Variants in TSPAN9 observed in about 807,000 individuals in gnomAD.
TSPAN9 encodes the protein tetraspanin 9.
Under a neutral mutation model 31.0 loss-of-function variants are expected in TSPAN9, and 16 were observed. The observed-to-expected ratio is 0.52, with a 90% CI of 0.35 to 0.78. The LOEUF is 0.78. Ranked by LOEUF, TSPAN9 falls within the 30% of genes least tolerant of loss-of-function variation. The pLI, the probability that TSPAN9 is intolerant of heterozygous loss-of-function variation, is 0.01. For missense variants in TSPAN9, 272 were observed against 312.5 expected (o/e 0.87, Z 0.98); for synonymous variants, 145 against 121.6 (o/e 1.19, Z -1.27).
At chr12:3,175,495 C>T (rs1390397423) in intron 2 of TSPAN9, among the ~76,000 whole-genome samples, 1 of 152,200 alleles carries the variant, frequency 6.6e-6, no homozygotes, top group African/African-American at 2.4e-5. Flanking sequence ...GCACCTCGTC[C>T]TTCCCATCTC....
At chr12:3,131,873 T>TG (rs1393342495) in intron 2 of TSPAN9, among the ~76,000 whole-genome samples, 5 of 152,242 alleles carry the variant, frequency 3.3e-5, no homozygotes, top group Non-Finnish European at 5.9e-5. Context: ...CACCACTACT[T>TG]GCTTCCATGG....
chr12:3,179,479 C>T (rs960287000), intron 2 of TSPAN9, among the ~76,000 whole-genome samples: 5 of 152,228 alleles, frequency 3.3e-5, no homozygotes, highest in Admixed American at 6.5e-5. Flanking sequence ...CCTTCAGATG[C>T]GTGAGGGCGT....
chr12:3,130,350 G>A (rs2098329286), intron 2 of TSPAN9, among the ~76,000 whole-genome samples: 1 of 152,184 alleles, frequency 6.6e-6, no homozygotes, highest in Admixed American at 6.5e-5. Flanking sequence ...ATGTTTACTT[G>A]ATCCTCTCAT....
intron 6 of TSPAN9, 33 bp from the exon 7 acceptor site, chr12:3,281,165 T>C: frequency 6.5e-7 from 1 of 1,549,814 alleles, no homozygotes; most frequent in Non-Finnish European, 8.7e-7. Flanking sequence ...GGCCATGGCA[T>C]GTCTGACTGC....
intron 2 of TSPAN9, among the ~76,000 whole-genome samples, chr12:3,117,669 G>A (rs1320040023): frequency 6.6e-6 from 1 of 152,156 alleles, no homozygotes; most frequent in African/African-American, 2.4e-5. Context: ...CTTTGTAATT[G>A]TGCTCCAGGC....
At chr12:3,204,787 T>C (rs528802444) in intron 3 of TSPAN9, among the ~76,000 whole-genome samples, 8 of 152,198 alleles carry the variant, frequency 5.3e-5, no homozygotes, top group Non-Finnish European at 7.3e-5. Flanking sequence ...TTCCCCATAC[T>C]GAGGATCCTG....
chr12:3,129,251 G>A lies in TSPAN9; in HGVS notation c.-18+45532G>A, dbSNP rs140375430. Among the ~76,000 whole-genome samples the A allele has an allele frequency of 3.9e-3, 600 of 152,262 alleles. 5 individuals are homozygous for A. The highest frequency in any genetic ancestry group is 0.014 in the Middle Eastern group (4 of 294). On this transcript the variant is annotated intron_variant, in intron 2 of 8. Coordinates refer to ENST00000011898, the MANE Select transcript of TSPAN9 (RefSeq NM_006675.5). ...CGAGTGCCCACTCTTCTCCTCTCCA[G>A]TCACTCCAGTGGCTCCCCACTGCCT... is the stretch of plus-strand genomic sequence containing the variant.
At chr12:3,269,746 G>A (rs1186172153) in intron 3 of TSPAN9, among the ~76,000 whole-genome samples, 1 of 152,232 alleles carries the variant, frequency 6.6e-6, no homozygotes, top group African/African-American at 2.4e-5. Flanking sequence ...AGGAGCTTGG[G>A]ATTGCTGAGT....
At chr12:3,158,911 T>C (rs11062541) in intron 2 of TSPAN9, among the ~76,000 whole-genome samples, 4,269 of 151,550 alleles carry the variant, frequency 0.028, 207 homozygotes, top group African/African-American at 0.098. Flanking sequence ...CTTTGTAAAG[T>C]GCGTCTTGCT....
intron 2 of TSPAN9, among the ~76,000 whole-genome samples, chr12:3,185,858 G>T (rs1208712038): frequency 6.6e-6 from 1 of 152,198 alleles, no homozygotes; most frequent in African/African-American, 2.4e-5. Context: ...GTGCAGAGGG[G>T]AAGCAAAGGG....
intron 2 of TSPAN9, among the ~76,000 whole-genome samples, chr12:3,180,929 T>TA: frequency 6.6e-6 from 1 of 151,370 alleles, no homozygotes; most frequent in Middle Eastern, 3.5e-3. Context: ...GCCAGGCGCT[T>TA]AGGTGGTGCT....
At chr12:3,119,889 G>T (rs926760032) in intron 2 of TSPAN9, among the ~76,000 whole-genome samples, 1 of 152,138 alleles carries the variant, frequency 6.6e-6, no homozygotes, top group Non-Finnish European at 1.5e-5. Flanking sequence ...AAGGGCACGG[G>T]CCTGGCCGCC....
At chr12:3,099,840 CTTT>C (rs899603509) in intron 2 of TSPAN9, among the ~76,000 whole-genome samples, 3 of 123,638 alleles carry the variant, frequency 2.4e-5, no homozygotes, top group African/African-American at 6.0e-5. Context: ...TCTGTCCACT[CTTT>C]TTTTTTTTTT....
chr12:3,255,205 G>A (rs1862323557), intron 3 of TSPAN9, among the ~76,000 whole-genome samples: 2 of 152,256 alleles, frequency 1.3e-5, no homozygotes, highest in South Asian at 4.1e-4. Context: ...GACTCTGTCT[G>A]TCCCGCCAGC....
intron 3 of TSPAN9, among the ~76,000 whole-genome samples, chr12:3,209,045 G>A (rs1391173573): frequency 2.6e-5 from 4 of 152,220 alleles, no homozygotes; most frequent in African/African-American, 9.6e-5. Context: ...GACCAGCCTG[G>A]CCAACATAGT....
chr12:3,094,866 T>G (rs914483377), intron 2 of TSPAN9, among the ~76,000 whole-genome samples: 1,417 of 106,742 alleles, frequency 0.013, 10 homozygotes, highest in South Asian at 0.022. Context: ...TTTTTTTTTT[T>G]TTTGTTTTTA....
chr12:3,277,739 C>T (rs189782172), intron 3 of TSPAN9, among the ~76,000 whole-genome samples: 7 of 152,266 alleles, frequency 4.6e-5, no homozygotes, highest in East Asian at 3.9e-4. Context: ...AGTTGCTTTT[C>T]GGTTTGGGGG....
At chr12:3,268,370 C>G (rs1201487168) in intron 3 of TSPAN9, among the ~76,000 whole-genome samples, 4 of 105,672 alleles carry the variant, frequency 3.8e-5, no homozygotes, top group Non-Finnish European at 6.0e-5. Flanking sequence ...CCTGCCCTCT[C>G]TGTGTTCCTG....
Position 3,235,976 on chromosome 12 carries a change from G to A in TSPAN9, c.63+34720G>A, listed in dbSNP as rs548349423. Among the ~76,000 whole-genome samples, 12 of 152,368 alleles carry A rather than the reference G, an allele frequency of 7.9e-5. No homozygotes were observed. In the East Asian group the frequency reaches 1.9e-3, roughly 24 times the overall value. ...CCAGGATTCCCCTGGACCTGCTGCCGCTGGGGCGGCATGAGGGATCCTGAT... is the reference window on the plus strand; with the variant it reads ...CCAGGATTCCCCTGGACCTGCTGCCACTGGGGCGGCATGAGGGATCCTGAT... On this transcript the variant is annotated intron_variant, in intron 3 of 8. Transcript: ENST00000011898.
Sources: gnomAD v4.1 joint callset for allele counts (sites outside exome capture counted in the v4.1 genomes callset) on GRCh38, gnomAD v4.1.1 for gene constraint, MANE v1.5 for transcripts, NCBI Gene and HGNC (gene_info 2026-07-23, HGNC 2026-07-21) for gene names.